The following USP33 variants were observed in gnomAD, a reference collection of about 807,000 sequenced individuals.
The protein encoded by USP33 is ubiquitin carboxyl-terminal hydrolase 33.
Under a neutral mutation model 124.2 loss-of-function variants are expected in USP33, and 46 were observed. That is an observed-to-expected ratio of 0.37 (90% CI 0.29 to 0.47). USP33 has a LOEUF of 0.47. USP33 is among the 20% of genes least tolerant of loss of function. USP33 has a pLI of 0.99. For synonymous variants in USP33, 350 were observed against 352.3 expected (o/e 0.99, Z 0.07); for missense variants, 851 against 1,070.6 (o/e 0.79, Z 2.86).
At position 77,721,269 on chromosome 1, in the gene USP33, TA is replaced by T. The variant is rs1317155775; in HGVS notation, c.1658-65del. ...CAGCAAATTGCTTATTATGGTCCTGTAATTATTTGATTTTGCCCCATGCTGA... is the reference window on the plus strand; with the variant it reads ...CAGCAAATTGCTTATTATGGTCCTGTATTATTTGATTTTGCCCCATGCTGA... On this transcript the variant is annotated intron_variant, in intron 14 of 23. Transcript: ENST00000370794. 3.2e-6 allele frequency: 5 copies of T among 1,587,160 alleles called. No individual in the cohort carries two copies. In the East Asian group the frequency reaches 1.1e-4, roughly 35 times the overall value.
At chr1:77,726,649 A>G (rs1358138673) in intron 10 of USP33, among the ~76,000 whole-genome samples, 1 of 52,734 alleles carries the variant, frequency 1.9e-5, no homozygotes, top group Non-Finnish European at 3.1e-5. Flanking sequence ...CTGTTTCAGG[A>G]AAAAAAAAAA....
In USP33 at chr1:77,743,035, C is replaced by T. The variant is rs549251813; in HGVS notation, c.-51-1287G>A. Among the ~76,000 whole-genome samples, 27 of 152,070 alleles carry T rather than the reference C, an allele frequency of 1.8e-4. No individual in the cohort carries two copies. The East Asian group carries it at 4.5e-3, about 25-fold the overall frequency. On this transcript the variant is annotated intron_variant, in intron 1 of 23. Transcript: ENST00000370794. The stretch of plus-strand genomic sequence containing the variant: ...TCAGCTCACCGCAAACTTCACCTCC[C>T]AGGTTCAAGTGATTCTCCTGCCTCA...
intron 1 of USP33, among the ~76,000 whole-genome samples, chr1:77,746,198 A>T (rs1044447488): frequency 1.3e-5 from 2 of 152,220 alleles, no homozygotes; most frequent in African/African-American, 4.8e-5. Context: ...GATAAAGGGG[A>T]TATCACCACC....
intron 18 of USP33, 79 bp downstream of exon 18, chr1:77,715,663 C>A: frequency 2.0e-6 from 3 of 1,486,230 alleles, no homozygotes; most frequent in Non-Finnish European, 1.8e-6. Flanking sequence ...ACTCAGCAAT[C>A]CATTAGAATG....
intron 16 of USP33, among the ~76,000 whole-genome samples, chr1:77,718,373 AAGATCC>A: frequency 6.6e-6 from 1 of 152,242 alleles, no homozygotes; most frequent in Non-Finnish European, 1.5e-5. Context: ...TAGACCTGGC[AAGATCC>A]TGCAAGTATG....
At chr1:77,722,587 G>A (rs1435920242) in intron 12 of USP33, among the ~76,000 whole-genome samples, 1 of 152,058 alleles carries the variant, frequency 6.6e-6, no homozygotes, top group Non-Finnish European at 1.5e-5. Context: ...TTAAAAGGGT[G>A]AGACAAAATC....
chr1:77,698,016 A>G, intron 22 of USP33, 85 bp from the exon 23 acceptor site: 4 of 1,022,932 alleles, frequency 3.9e-6, no homozygotes, highest in Non-Finnish European at 5.9e-6. Flanking sequence ...ATTGTGACCT[A>G]TAACTACATT....
chr1:77,708,103 G>T (rs1674830680), intron 21 of USP33, among the ~76,000 whole-genome samples: 1 of 152,192 alleles, frequency 6.6e-6, no homozygotes, highest in South Asian at 2.1e-4. Flanking sequence ...TGCTACTGTT[G>T]TTTGGTTGTG....
intron 1 of USP33, among the ~76,000 whole-genome samples, chr1:77,754,418 G>A (rs1051017836): frequency 2.0e-5 from 3 of 152,184 alleles, no homozygotes; most frequent in Non-Finnish European, 2.9e-5. Flanking sequence ...ATGGAAGGAA[G>A]TTATCAATGA....
intron 16 of USP33, 62 bp from the exon 17 acceptor site, chr1:77,718,109 G>T: frequency 7.3e-7 from 1 of 1,372,698 alleles, no homozygotes. Context: ...CATTATAACA[G>T]GTAAAACTTA....
intron 21 of USP33, among the ~76,000 whole-genome samples, chr1:77,707,585 C>T (rs974791904): frequency 6.6e-6 from 1 of 152,140 alleles, no homozygotes; most frequent in African/African-American, 2.4e-5. Flanking sequence ...ATTCAACCCA[C>T]TATAGGCACC....
At chr1:77,723,273 C>T in intron 12 of USP33, 58 bp downstream of exon 12, 2 of 1,262,002 alleles carry the variant, frequency 1.6e-6, no homozygotes, top group Non-Finnish European at 2.3e-6. Context: ...CATCTTGTCA[C>T]ATTTTTAAAA....
rs772012018 is a variant in USP33, at chr1:77,741,743, T to C, written c.-46A>G. The C allele has an allele frequency of 6.3e-6, 10 of 1,590,552 alleles. No individual in the cohort carries two copies. Among genetic ancestry groups the C allele is most frequent in the Middle Eastern group, 1.7e-4 (1 of 6,018 alleles). On this transcript the variant is annotated 5_prime_UTR_variant, in exon 2 of 24. Coordinates refer to ENST00000370794, the MANE Select transcript of USP33 (RefSeq NM_201624.3). ...GTTTCCCAAGACTTTCAAAATGAGG[T>C]AACACCTATAAGAAAAGTAACACAC...
intron 1 of USP33, among the ~76,000 whole-genome samples, chr1:77,748,121 A>C (rs1679918939): frequency 1.3e-5 from 2 of 152,192 alleles, no homozygotes; most frequent in Admixed American, 1.3e-4. Context: ...AACCTTTCAA[A>C]AAGTTTTACT....
chr1:77,698,542 A>C (rs1673659874), intron 22 of USP33, among the ~76,000 whole-genome samples: 1 of 138,154 alleles, frequency 7.2e-6, no homozygotes, highest in Admixed American at 7.7e-5. Context: ...CTCTGTTGCC[A>C]AGGGCTGGAG....
At position 77,759,757 on chromosome 1, in the gene USP33, GA is replaced by G. The variant is rs993110819; in HGVS notation, c.-167del. 7.0e-5 allele frequency: 28 copies of G among 398,070 alleles called. No individual in the cohort carries two copies. The highest frequency in any genetic ancestry group is 5.3e-4 in the African/African-American group (26 of 48,736). The allele number at this position is 398,070 out of a possible 1,614,324, so 24.7% of individuals were successfully genotyped here. ...TCGGAGAGGGGCAGTGTCGCGTCAG[GA>G]GGGCCGGAAAACGGCCCCGCAGCGC... On this transcript the variant is annotated 5_prime_UTR_variant, in exon 1 of 24. Coordinates refer to ENST00000370794, the MANE Select transcript of USP33 (RefSeq NM_201624.3).
chr1:77,709,750 G>C (rs937927081), intron 21 of USP33, among the ~76,000 whole-genome samples: 1 of 151,102 alleles, frequency 6.6e-6, no homozygotes, highest in Non-Finnish European at 1.5e-5. Flanking sequence ...TATAGATATA[G>C]ATATCTATAT....
rs1299901510 is a variant in USP33 at position 77,734,508 on chromosome 1, A to G, written c.455-92T>C. 4 of 746,710 alleles carry G rather than the reference A, an allele frequency of 5.4e-6. No homozygotes were observed. The Admixed American group carries it at 1.2e-4, about 23-fold the overall frequency. The allele number at this position is 746,710 out of a possible 1,614,324, so 46.3% of individuals were successfully genotyped here. On this transcript the variant is annotated intron_variant, in intron 6 of 23. Coordinates refer to ENST00000370794, the MANE Select transcript of USP33 (RefSeq NM_201624.3). Reference sequence around the variant, plus strand: ...TTAATATGGTTCCCAAATTACATTAAGGACCACGGAAATACAATATAGCAA... The same window carrying G: ...TTAATATGGTTCCCAAATTACATTAGGGACCACGGAAATACAATATAGCAA...
intron 18 of USP33, 177 bp from the exon 19 acceptor site, chr1:77,714,960 T>A: frequency 1.7e-6 from 1 of 599,680 alleles, no homozygotes; most frequent in Non-Finnish European, 2.8e-6. Flanking sequence ...CTCATAGGGA[T>A]GAAACTGTAT....
Sources: gnomAD v4.1 joint callset for allele counts (sites outside exome capture counted in the v4.1 genomes callset) on GRCh38, gnomAD v4.1.1 for gene constraint, MANE v1.5 for transcripts, NCBI Gene and HGNC (gene_info 2026-07-23, HGNC 2026-07-21) for gene names.